STPG2: variants seen among roughly 807,000 people sequenced by gnomAD.
The protein encoded by STPG2 is sperm-tail PG-rich repeat-containing protein 2.
In STPG2, 56 loss-of-function variants were observed where a neutral mutation model predicts 54.2. The observed-to-expected ratio is 1.03, with a 90% confidence interval of 0.83 to 1.29. STPG2 has a LOEUF of 1.29. Among genes scored for constraint, STPG2 ranks in the 50% most tolerant of loss-of-function variants. STPG2 has a pLI of 0.00. For missense variants in STPG2, 596 were observed against 544.9 expected (o/e 1.09, Z -0.93); for synonymous variants, 200 against 181.8 (o/e 1.10, Z -0.81).
At chr4:97,560,657 G>C (rs879593551) in intron 10 of STPG2, among the ~76,000 whole-genome samples, 1 of 151,984 alleles carries the variant, frequency 6.6e-6, no homozygotes, top group South Asian at 2.1e-4. Context: ...AAAAATCAAA[G>C]TAAAACAAAA....
At chr4:98,110,178 C>G (rs1444532809) in intron 3 of STPG2, among the ~76,000 whole-genome samples, 1 of 151,412 alleles carries the variant, frequency 6.6e-6, no homozygotes, top group Non-Finnish European at 1.5e-5. Context: ...AAGAGAGAGC[C>G]CCCCCAGCCA....
intron 9 of STPG2, among the ~76,000 whole-genome samples, chr4:97,779,913 A>C (rs3960885): frequency 0.26 from 39,860 of 151,174 alleles, 5,660 homozygotes; most frequent in Middle Eastern, 0.36. Flanking sequence ...GCCTGCCCTA[A>C]AAGAGCTCCT....
At chr4:97,908,076 C>A (rs1205522325) in intron 8 of STPG2, among the ~76,000 whole-genome samples, 3 of 151,710 alleles carry the variant, frequency 2.0e-5, no homozygotes, top group Non-Finnish European at 4.4e-5. Flanking sequence ...TCAGAGTGAA[C>A]AGGCAACCTA....
chr4:97,993,233 C>A (rs1156730206), intron 5 of STPG2, among the ~76,000 whole-genome samples: 1 of 152,184 alleles, frequency 6.6e-6, no homozygotes, highest in South Asian at 2.1e-4. Context: ...TCATAGATGA[C>A]TTTTATTACC....
At chr4:98,104,724 T>C (rs1739140748) in intron 5 of STPG2, among the ~76,000 whole-genome samples, 1 of 152,182 alleles carries the variant, frequency 6.6e-6, no homozygotes, top group Non-Finnish European at 1.5e-5. Flanking sequence ...TAAGCTCACA[T>C]TTTTTAAATT....
chr4:97,494,654 G>A (rs555235742), intron 4 of STPG2, among the ~76,000 whole-genome samples: 1 of 151,594 alleles, frequency 6.6e-6, no homozygotes, highest in South Asian at 2.1e-4. Context: ...AAATTGATAT[G>A]ACTTAAATTA....
intron 4 of STPG2, among the ~76,000 whole-genome samples, chr4:97,541,585 A>G (rs1731706582): frequency 6.6e-6 from 1 of 152,184 alleles, no homozygotes; most frequent in Non-Finnish European, 1.5e-5. Flanking sequence ...TCATCAAGCT[A>G]CGAATGATTT....
At chr4:97,839,879 T>C (rs72881451) in intron 9 of STPG2, among the ~76,000 whole-genome samples, 19,361 of 151,516 alleles carry the variant, frequency 0.13, 1,900 homozygotes, top group African/African-American at 0.26. Context: ...TTCTGTTTCA[T>C]TTTTTTCTCC....
intron 5 of STPG2, among the ~76,000 whole-genome samples, chr4:98,012,923 C>T (rs974835547): frequency 3.3e-5 from 5 of 152,208 alleles, no homozygotes; most frequent in Admixed American, 2.0e-4. Flanking sequence ...TTCTCTCTTC[C>T]TATCTGAATA....
At chr4:98,112,320 T>C (rs971821686) in intron 3 of STPG2, among the ~76,000 whole-genome samples, 20 of 152,102 alleles carry the variant, frequency 1.3e-4, no homozygotes, top group African/African-American at 4.8e-4. Context: ...TACCAGACAG[T>C]ACAATAACAT....
intron 9 of STPG2, among the ~76,000 whole-genome samples, chr4:97,813,531 A>C (rs1727807906): frequency 6.6e-6 from 1 of 151,932 alleles, no homozygotes; most frequent in African/African-American, 2.4e-5. Flanking sequence ...CAACTATTCC[A>C]TGAAGTATAC....
intron 9 of STPG2, among the ~76,000 whole-genome samples, chr4:97,822,214 A>T (rs1198868823): frequency 6.6e-6 from 1 of 152,232 alleles, no homozygotes; most frequent in Non-Finnish European, 1.5e-5. Flanking sequence ...TTTCTGCTAG[A>T]TACCCTAAAA....
intron 4 of STPG2, among the ~76,000 whole-genome samples, chr4:97,540,953 ATGGATGGGGC>A (rs1488105389): frequency 6.6e-6 from 1 of 152,232 alleles, no homozygotes; most frequent in African/African-American, 2.4e-5. Context: ...TAAATTAGGT[ATGGATGGGGC>A]TTATTTCAAA....
intron 7 of STPG2, among the ~76,000 whole-genome samples, chr4:97,951,828 C>T (rs1243081208): frequency 6.6e-6 from 1 of 152,030 alleles, no homozygotes; most frequent in Non-Finnish European, 1.5e-5. Context: ...GGATAGGCGT[C>T]CCAGGGAAGA....
chr4:97,832,209 T>C (rs528780077), intron 9 of STPG2, among the ~76,000 whole-genome samples: 37 of 152,304 alleles, frequency 2.4e-4, no homozygotes, highest in African/African-American at 8.4e-4. Flanking sequence ...GCAAGGCTGG[T>C]TCAATATATG....
intron 5 of STPG2, among the ~76,000 whole-genome samples, chr4:98,076,016 G>A (rs1160295647): frequency 3.9e-5 from 6 of 152,114 alleles, no homozygotes; most frequent in African/African-American, 1.4e-4. Context: ...AGGCCCAGGC[G>A]GGCAGATCAC....
chr4:97,712,691 T>C lies in STPG2; in HGVS notation c.1320+8A>G. 6.5e-7 allele frequency: 1 copy of C among 1,546,850 alleles called. No homozygotes were observed. Among genetic ancestry groups the C allele is most frequent in the African/African-American group, 1.4e-5 (1 of 72,648 alleles). The stretch of plus-strand genomic sequence containing the variant: ...TGTGTCACTGTTAAGAAGGAAATAT[T>C]GACAAACCTCATATGTTGCTGGGCC... On this transcript the variant is annotated splice_region_variant and intron_variant, in intron 10 of 10. Transcript: ENST00000295268.
chr4:97,445,699 G>A (rs926667627), intron 4 of STPG2, among the ~76,000 whole-genome samples: 1 of 152,098 alleles, frequency 6.6e-6, no homozygotes, highest in Non-Finnish European at 1.5e-5. Context: ...ATAGTCTATG[G>A]CATGAATAAA....
intron 9 of STPG2, among the ~76,000 whole-genome samples, chr4:97,760,891 T>C (rs1218465275): frequency 1.3e-5 from 2 of 152,178 alleles, no homozygotes; most frequent in Non-Finnish European, 2.9e-5. Context: ...ACAGCATCCA[T>C]GCCATGCCTT....
Sources: gnomAD v4.1 joint callset for allele counts (sites outside exome capture counted in the v4.1 genomes callset) on GRCh38, gnomAD v4.1.1 for gene constraint, MANE v1.5 for transcripts, NCBI Gene and HGNC (gene_info 2026-07-23, HGNC 2026-07-21) for gene names.